Variants in ANO7 observed in about 807,000 individuals in gnomAD.
ANO7 encodes the protein anoctamin-7.
In ANO7, 114 loss-of-function variants were observed where a neutral mutation model predicts 115.8. The ratio of observed to expected loss-of-function variants is 0.98; its 90% CI spans 0.85 to 1.15. The LOEUF (loss-of-function observed/expected upper bound fraction) is 1.15. ANO7 is among the 50% of genes most tolerant of loss of function. The pLI is 0.00. For synonymous variants in ANO7, 550 were observed against 498.2 expected, an observed-to-expected ratio of 1.10 and a Z score of -1.38; for missense variants, 1,302 against 1,201.2, an observed-to-expected ratio of 1.08 and a Z score of -1.24.
rs779187688 is a variant in ANO7 at position 241,217,785 on chromosome 2, G to GC, written c.2073dup (p.Lys692GlnfsTer90). On this transcript the variant is annotated frameshift_variant, in exon 20 of 25. Coordinates refer to ENST00000674324, the MANE Select transcript of ANO7 (RefSeq NM_001370694.2). LOFTEE classifies it high-confidence loss of function. Reference sequence around the variant, plus strand: ...TGGGTGGAGATCCGCTTGGACGCGCGCAAGTTCGTCTGCGAGTACCGGCGC... The same window carrying GC: ...TGGGTGGAGATCCGCTTGGACGCGCGCCAAGTTCGTCTGCGAGTACCGGCGC... 45 of 1,609,796 alleles carry GC rather than the reference G, an allele frequency of 2.8e-5. No individual in the cohort carries two copies. Among genetic ancestry groups the GC allele is most frequent in the Non-Finnish European group, 3.6e-5 (42 of 1,178,810 alleles).
Position 241,210,575 on chromosome 2 carries a change from G to A in ANO7, c.1561+5G>A. 1 of 1,612,934 alleles carries A rather than the reference G, an allele frequency of 6.2e-7. No individual in the cohort carries two copies. The highest frequency in any genetic ancestry group is 8.5e-7 in the Non-Finnish European group (1 of 1,179,570). ...CCCACGTCCTGACACGATGGGGTGAGTGGGCTGAGGCCGGCCAGGCACTGA... is the reference window on the plus strand; with the variant it reads ...CCCACGTCCTGACACGATGGGGTGAATGGGCTGAGGCCGGCCAGGCACTGA... On this transcript the variant is annotated splice_donor_5th_base_variant and intron_variant, in intron 15 of 24. Transcript: ENST00000674324.
downstream of ANO7, chr2:241,230,022 C>T (rs929104846): frequency 1.9e-6 from 3 of 1,574,150 alleles, no homozygotes; most frequent in Non-Finnish European, 2.6e-6. The surrounding 1 kb of genome is among the most constrained non-coding windows in gnomAD (Gnocchi z 5.0). Context: ...ATCCCGCCCG[C>T]CTGCTCACCC....
chr2:241,201,243 C>G, intron 6 of ANO7, 55 bp from the exon 7 acceptor site: 2 of 1,511,256 alleles, frequency 1.3e-6, no homozygotes, highest in Non-Finnish European at 1.7e-6. Context: ...CCTTCTGCAC[C>G]GTTCACATGC....
chr2:241,215,468 C>A (rs2068809377), intron 18 of ANO7, among the ~76,000 whole-genome samples: 1 of 152,208 alleles, frequency 6.6e-6, no homozygotes, highest in Non-Finnish European at 1.5e-5. Context: ...CCTGATCTGC[C>A]CCCAGAAGGC....
At chr2:241,213,597 C>A (rs1473931534) in intron 17 of ANO7, among the ~76,000 whole-genome samples, 1 of 152,176 alleles carries the variant, frequency 6.6e-6, no homozygotes, top group African/African-American at 2.4e-5. Flanking sequence ...CAAAACTGTT[C>A]CCGACGCACA....
At chr2:241,205,195 G>A (rs918532024) in intron 10 of ANO7, among the ~76,000 whole-genome samples, 1 of 149,560 alleles carries the variant, frequency 6.7e-6, no homozygotes, top group African/African-American at 2.5e-5. Context: ...GTGCTCCCAG[G>A]CTGACAGGTG....
rs2069152022 is a variant in ANO7 at position 241,225,804 on chromosome 2, C to T, written c.*1651C>T. On this transcript the variant is annotated 3_prime_UTR_variant, in exon 25 of 25. Coordinates refer to ENST00000674324, the MANE Select transcript of ANO7 (RefSeq NM_001370694.2). ...GCGCCCTGGGGCTGGACACCACCGG[C>T]CGGAGCATGGCGGACAGCACACACG... Among the ~76,000 whole-genome samples, 1 of 152,200 alleles carries T rather than the reference C, an allele frequency of 6.6e-6. No homozygotes were observed. The highest frequency in any genetic ancestry group is 1.5e-5 in the Non-Finnish European group (1 of 68,036).
intron 4 of ANO7, among the ~76,000 whole-genome samples, chr2:241,196,440 C>T (rs1420259227): frequency 1.3e-5 from 2 of 152,214 alleles, no homozygotes; most frequent in Non-Finnish European, 2.9e-5. Flanking sequence ...GTCCAAGCGG[C>T]TCCTTCCTTC....
chr2:241,188,873 C>G lies in ANO7; in HGVS notation c.-8+107C>G. The G allele has an allele frequency of 2.1e-6, 3 of 1,434,690 alleles. No individual in the cohort carries two copies. The highest frequency in any genetic ancestry group is 2.8e-6 in the Non-Finnish European group (3 of 1,074,294). The allele number at this position is 1,434,690 out of a possible 1,614,324, so 88.9% of individuals were successfully genotyped here. ...CACCGGGACTTTCACACACCCTGGC[C>G]TGTGGGGAGGCAGTGCCAGGGCCCG... On this transcript the variant is annotated intron_variant, in intron 1 of 24. Transcript: ENST00000674324. This position sits in a 1 kb window ranked among gnomAD's most constrained non-coding sequence, Gnocchi z 4.3.
chr2:241,216,176 C>T lies in ANO7; in HGVS notation c.1910C>T (p.Pro637Leu). The T allele has an allele frequency of 6.2e-7, 1 of 1,613,128 alleles. No individual in the cohort carries two copies. The highest frequency in any genetic ancestry group is 1.1e-5 in the South Asian group (1 of 91,078). ...GCTTCTGCAGGGGCTAGCCAGGGGCCCTGGGAGGACGACTATGAGCTTGTG... is the reference window on the plus strand; with the variant it reads ...GCTTCTGCAGGGGCTAGCCAGGGGCTCTGGGAGGACGACTATGAGCTTGTG... ...AGASAGASQG[P>L]WEDDYELVPC... Residue 637 changes from proline to leucine, a missense_variant, in exon 19 of 25, where the codon CCC (proline) becomes CTC (leucine). Pro to Leu is a moderately conservative substitution (Grantham distance 98). Coordinates refer to ENST00000674324, the MANE Select transcript of ANO7 (RefSeq NM_001370694.2).
Position 241,225,780 on chromosome 2 carries a change from C to T in ANO7, c.*1627C>T, listed in dbSNP as rs747596870. 4.6e-5 allele frequency among the ~76,000 whole-genome samples: 7 copies of T among 152,170 alleles called. No individual in the cohort carries two copies. The highest frequency in any genetic ancestry group is 2.6e-4 in the Admixed American group (4 of 15,288). On this transcript the variant is annotated 3_prime_UTR_variant, in exon 25 of 25. Coordinates refer to ENST00000674324, the MANE Select transcript of ANO7 (RefSeq NM_001370694.2). ...TTCCGGCAGGGATGCAGGCTCACAG[C>T]GCCCTGGGGCTGGACACCACCGGCC...
chr2:241,229,383 T>G, downstream of ANO7: 1 of 486,912 alleles, frequency 2.1e-6, no homozygotes, highest in East Asian at 3.9e-5. Flanking sequence ...TGACCTTGGT[T>G]TAGTGTTAAA....
At chr2:241,204,195 A>G (rs572361375) in intron 9 of ANO7, among the ~76,000 whole-genome samples, 80 of 152,300 alleles carry the variant, frequency 5.3e-4, no homozygotes, top group African/African-American at 1.9e-3. Flanking sequence ...CAACCCTGGG[A>G]CAGCACGGCC....
At chr2:241,221,852 T>C (rs550325670) in intron 21 of ANO7, among the ~76,000 whole-genome samples, 1 of 152,030 alleles carries the variant, frequency 6.6e-6, no homozygotes, top group South Asian at 2.1e-4. Flanking sequence ...TACTCTTTTA[T>C]ATTTTTAGTA....
At chr2:241,236,637 T>G in the ANO7 span, 3 of 1,614,004 alleles carry the variant, frequency 1.9e-6, no homozygotes, top group Non-Finnish European at 2.5e-6. Context: ...CTTGGCAGCC[T>G]CACACTTTTC....
the ANO7 span, chr2:241,239,963 T>A: frequency 1.2e-6 from 2 of 1,614,092 alleles, no homozygotes; most frequent in Non-Finnish European, 1.7e-6. The surrounding 1 kb of genome is among the most constrained non-coding windows in gnomAD (Gnocchi z 4.6). Flanking sequence ...TCCTTTCCAA[T>A]GATGGTGATC....
At chr2:241,219,033 C>T (rs150217549) in intron 21 of ANO7, among the ~76,000 whole-genome samples, 1 of 152,302 alleles carries the variant, frequency 6.6e-6, no homozygotes, top group East Asian at 1.9e-4. Context: ...TTGCTTTCTT[C>T]CTTTTCTCCT....
chr2:241,223,486 C>A, intron 22 of ANO7, 176 bp from the exon 23 acceptor site: 1 of 1,111,912 alleles, frequency 9.0e-7, no homozygotes, highest in Non-Finnish European at 1.3e-6. Context: ...TCCACAGGAG[C>A]CCCAGGGCCA....
chr2:241,220,181 T>C (rs2068975018), intron 21 of ANO7, among the ~76,000 whole-genome samples: 1 of 152,256 alleles, frequency 6.6e-6, no homozygotes, highest in South Asian at 2.1e-4. Flanking sequence ...AGTAATTCTT[T>C]CAGTAAAGGT....
Sources: gnomAD v4.1 joint callset for allele counts (sites outside exome capture counted in the v4.1 genomes callset) on GRCh38, gnomAD v4.1.1 for gene constraint, Gnocchi (gnomAD v3.1) non-coding constraint, MANE v1.5 for transcripts, NCBI Gene and HGNC (gene_info 2026-07-23, HGNC 2026-07-21) for gene names.